NTNG1: variants seen among roughly 807,000 people sequenced by gnomAD.
NTNG1 encodes the protein netrin-G1.
NTNG1 carries 16 observed loss-of-function variants against 54.0 expected under a neutral mutation model. That is an observed-to-expected ratio of 0.30 (90% CI 0.20 to 0.45). NTNG1 has a LOEUF of 0.45. Ranked by LOEUF, NTNG1 falls within the 20% of genes least tolerant of loss-of-function variation. The probability of loss-of-function intolerance (pLI) is 1.00; values close to 1 mark genes in which losing one functional copy is unlikely to be tolerated. For synonymous variants in NTNG1, 255 were observed against 263.1 expected, an observed-to-expected ratio of 0.97 and a Z score of 0.30; for missense variants, 530 against 678.7, an observed-to-expected ratio of 0.78 and a Z score of 2.43.
At chr1:107,235,010 C>A (rs1215802807) in intron 2 of NTNG1, among the ~76,000 whole-genome samples, 2 of 151,762 alleles carry the variant, frequency 1.3e-5, no homozygotes, top group East Asian at 3.9e-4. Flanking sequence ...TGTGCTAGAC[C>A]CAATGTAATG....
chr1:107,341,508 T>A (rs370587587), intron 3 of NTNG1, among the ~76,000 whole-genome samples: 2 of 152,032 alleles, frequency 1.3e-5, no homozygotes, highest in South Asian at 2.1e-4. Context: ...GGTAATGAAG[T>A]TATATTATAC....
chr1:107,280,173 T>TTTC lies in NTNG1; in HGVS notation c.247-44109_247-44108insTTC, dbSNP rs1553216345. Among the ~76,000 whole-genome samples, 4 of 148,924 alleles carry TTTC rather than the reference T, an allele frequency of 2.7e-5. 1 individual carries two copies. The highest frequency in any genetic ancestry group is 4.5e-5 in the Non-Finnish European group (3 of 67,240). On this transcript the variant is annotated intron_variant, in intron 2 of 7. Coordinates refer to ENST00000370068, the MANE Select transcript of NTNG1 (RefSeq NM_001113226.3). ...GGTGCTAACCTTTTTTTTTTTTTTT[T>TTTC]CCCTCACTGTTTTGGTTATTCTATA...
rs1678863232 is a variant in NTNG1, at chr1:107,483,657, A to G, written c.*2817A>G. 6.6e-6 allele frequency among the ~76,000 whole-genome samples: 1 copy of G among 151,572 alleles called. No homozygotes were observed. The highest frequency in any genetic ancestry group is 6.6e-5 in the Admixed American group (1 of 15,168). ...GTGAAAAGCGGGTACTCAGTTGTTC[A>G]TATATTTGAGGTCCTAATTCTTGGT... On this transcript the variant is annotated 3_prime_UTR_variant, in exon 8 of 8. Coordinates refer to ENST00000370068, the MANE Select transcript of NTNG1 (RefSeq NM_001113226.3).
intron 7 of NTNG1, among the ~76,000 whole-genome samples, chr1:107,478,434 T>C (rs1329134661): frequency 1.3e-5 from 2 of 152,150 alleles, no homozygotes; most frequent in Non-Finnish European, 2.9e-5. Context: ...ATTACTTAAA[T>C]GCAGGAAAAA....
chr1:107,344,123 C>A (rs767348229), intron 3 of NTNG1, among the ~76,000 whole-genome samples: 1 of 151,972 alleles, frequency 6.6e-6, no homozygotes, highest in Non-Finnish European at 1.5e-5. Flanking sequence ...GTTCCCAGAA[C>A]GCCACTTTAA....
At chr1:107,289,991 C>T (rs1260588761) in intron 2 of NTNG1, among the ~76,000 whole-genome samples, 1 of 152,070 alleles carries the variant, frequency 6.6e-6, no homozygotes, top group Admixed American at 6.6e-5. Flanking sequence ...GAGTATTGAC[C>T]TCAACATATG....
chr1:107,304,133 A>C (rs1417398367), intron 2 of NTNG1, among the ~76,000 whole-genome samples: 2 of 152,084 alleles, frequency 1.3e-5, no homozygotes, highest in Middle Eastern at 6.3e-3. Context: ...ACAAATCAAA[A>C]GATTTTTCTT....
Position 107,480,866 on chromosome 1 carries a change from G to A in NTNG1, c.*26G>A. 1 of 1,523,288 alleles carries A rather than the reference G, an allele frequency of 6.6e-7. No homozygotes were observed. The highest frequency in any genetic ancestry group is 1.4e-5 in the African/African-American group (1 of 72,664). 94.4% of individuals were successfully genotyped at this position (1,523,288 alleles called of 1,614,324 possible). A position where few individuals can be genotyped will look rare whatever the true frequency, so the allele number is the denominator to read the frequency against. On this transcript the variant is annotated 3_prime_UTR_variant, in exon 8 of 8. Transcript: ENST00000370068. ...GTGTCACCTCCAGCCACACCGGACG[G>A]GCCTGTGCCGTGGGGAAGCAGACAC...
chr1:107,444,830 T>C (rs796266382), intron 7 of NTNG1, among the ~76,000 whole-genome samples: 2 of 152,048 alleles, frequency 1.3e-5, no homozygotes, highest in South Asian at 2.1e-4. Flanking sequence ...TACCTGATAA[T>C]AAGATGATAA....
intron 7 of NTNG1, among the ~76,000 whole-genome samples, chr1:107,438,688 C>T (rs1388233683): frequency 6.6e-6 from 1 of 152,156 alleles, no homozygotes; most frequent in African/African-American, 2.4e-5. Flanking sequence ...CTGGAGTGTA[C>T]TCAGGGTAAG....
chr1:107,200,183 A>G (rs1373293646), intron 2 of NTNG1, among the ~76,000 whole-genome samples: 1 of 151,752 alleles, frequency 6.6e-6, no homozygotes, highest in Non-Finnish European at 1.5e-5. Context: ...CTCTGTGGTT[A>G]GCTACTAATA....
intron 7 of NTNG1, among the ~76,000 whole-genome samples, chr1:107,447,563 A>G (rs1297803924): frequency 6.6e-6 from 1 of 152,132 alleles, no homozygotes; most frequent in Non-Finnish European, 1.5e-5. Flanking sequence ...TATGAATTCC[A>G]TATAGTTAAA....
intron 4 of NTNG1, among the ~76,000 whole-genome samples, chr1:107,407,137 C>T (rs1385557974): frequency 1.3e-5 from 2 of 152,116 alleles, no homozygotes; most frequent in African/African-American, 4.8e-5. Flanking sequence ...ATCCACACAT[C>T]TGACAAGTAA....
chr1:107,156,446 C>A (rs1224957904), intron 2 of NTNG1, among the ~76,000 whole-genome samples: 1 of 151,768 alleles, frequency 6.6e-6, no homozygotes, highest in Non-Finnish European at 1.5e-5. Flanking sequence ...AGCATTATAA[C>A]CAACGGAAAA....
chr1:107,270,808 C>G (rs1419956576), intron 2 of NTNG1, among the ~76,000 whole-genome samples: 1 of 145,070 alleles, frequency 6.9e-6, no homozygotes, highest in African/African-American at 2.6e-5. Flanking sequence ...TTAAGTTTTT[C>G]ATTTATATTA....
At chr1:107,425,162 A>G (rs994928382) in intron 5 of NTNG1, among the ~76,000 whole-genome samples, 14 of 150,540 alleles carry the variant, frequency 9.3e-5, no homozygotes, top group African/African-American at 3.4e-4. Context: ...CTGGGATATG[A>G]GCATGAAGAG....
chr1:107,448,317 AT>A (rs1198130573), intron 7 of NTNG1, among the ~76,000 whole-genome samples: 2 of 152,110 alleles, frequency 1.3e-5, no homozygotes, highest in Non-Finnish European at 2.9e-5. Context: ...ATGCCAAGCC[AT>A]TTATAGTCTT....
chr1:107,150,168 T>C (rs1654450461), intron 2 of NTNG1, among the ~76,000 whole-genome samples: 2 of 152,290 alleles, frequency 1.3e-5, no homozygotes, highest in Non-Finnish European at 2.9e-5. Context: ...TCACTGTTAC[T>C]AAAGTGCCCT....
At position 107,234,982 on chromosome 1, in the gene NTNG1, T is replaced by A. The variant is rs562566125; in HGVS notation, c.246+86143T>A. ...CCTTGGGAAATAATAGAAGCTAACT[T>A]TTATTGGGTGCTTTCCATGTGCTAG... On this transcript the variant is annotated intron_variant, in intron 2 of 7. Coordinates refer to ENST00000370068, the MANE Select transcript of NTNG1 (RefSeq NM_001113226.3). 2.0e-5 allele frequency among the ~76,000 whole-genome samples: 3 copies of A among 151,970 alleles called. No individual in the cohort carries two copies. In the East Asian group the frequency reaches 5.8e-4, roughly 29 times the overall value.
Sources: allele counts gnomAD v4.1 joint callset (sites outside exome capture counted in the v4.1 genomes callset), GRCh38; gene constraint gnomAD v4.1.1; transcripts MANE v1.5; gene names NCBI Gene and HGNC (gene_info 2026-07-23, HGNC 2026-07-21).